NUP58: variants seen among roughly 807,000 people sequenced by gnomAD.
NUP58 encodes the protein nucleoporin p58/p45.
A neutral mutation model predicts 70.1 loss-of-function variants in NUP58; 17 were observed. The ratio of observed to expected loss-of-function variants is 0.24; its 90% CI spans 0.17 to 0.36. The LOEUF is 0.36. NUP58 is among the 10% of genes least tolerant of loss of function. The pLI is 1.00. For synonymous variants in NUP58, 275 were observed against 257.6 expected, an observed-to-expected ratio of 1.07 and a Z score of -0.65; for missense variants, 644 against 701.5, an observed-to-expected ratio of 0.92 and a Z score of 0.93.
chr13:25,338,090 T>A (rs1462273961), intron 14 of NUP58, among the ~76,000 whole-genome samples: 1 of 152,166 alleles, frequency 6.6e-6, no homozygotes, highest in Admixed American at 6.6e-5. Context: ...TGGCTGGTAG[T>A]ATGGCAGGAA....
intron 13 of NUP58, chr13:25,334,635 T>C: frequency 1.0e-6 from 1 of 982,010 alleles, no homozygotes; most frequent in Non-Finnish European, 1.2e-6. Flanking sequence ...TATTTTAAAA[T>C]GTGACTTAGA....
At chr13:25,312,010 T>C (rs2030693930) in intron 3 of NUP58, among the ~76,000 whole-genome samples, 2 of 152,082 alleles carry the variant, frequency 1.3e-5, no homozygotes, top group Admixed American at 1.3e-4. Flanking sequence ...AACTAGACAA[T>C]GAGGACTTAG....
intron 5 of NUP58, among the ~76,000 whole-genome samples, chr13:25,315,074 C>CT: frequency 6.6e-6 from 1 of 152,238 alleles, no homozygotes; most frequent in South Asian, 2.1e-4. Context: ...AACAAAACCC[C>CT]TTTATAACAA....
In NUP58 at chr13:25,324,936, A is replaced by G. The variant is rs555625633; in HGVS notation, c.952-53A>G. On this transcript the variant is annotated intron_variant, in intron 9 of 15. Coordinates refer to ENST00000381736, the MANE Select transcript of NUP58 (RefSeq NM_014089.4). ...TATTTTTTTTCGTACGGTATTTTTAACATAACTCTTAACTGGCTTTTTTTT... is the reference window on the plus strand; with the variant it reads ...TATTTTTTTTCGTACGGTATTTTTAGCATAACTCTTAACTGGCTTTTTTTT... 3 of 1,223,308 alleles carry G rather than the reference A, an allele frequency of 2.5e-6. No individual in the cohort carries two copies. In the Admixed American group the frequency reaches 6.4e-5, roughly 26 times the overall value. The allele number at this position is 1,223,308 out of a possible 1,614,324, so 75.8% of individuals were successfully genotyped here. A position where few individuals can be genotyped will look rare whatever the true frequency, so the allele number is the denominator to read the frequency against.
intron 5 of NUP58, among the ~76,000 whole-genome samples, chr13:25,314,241 A>G: frequency 6.6e-6 from 1 of 152,136 alleles, no homozygotes; most frequent in Non-Finnish European, 1.5e-5. Flanking sequence ...CCTATTAGCC[A>G]TATTTTAGAA....
intron 13 of NUP58, chr13:25,333,387 G>C: frequency 1.0e-6 from 1 of 985,318 alleles, no homozygotes; most frequent in Non-Finnish European, 1.2e-6. Context: ...AATTTTGTCT[G>C]TGACTTTTGC....
At position 25,334,626 on chromosome 13, in the gene NUP58, A is replaced by G. The variant is rs929804158; in HGVS notation, c.1436-2310A>G. 8 of 982,026 alleles carry G rather than the reference A, an allele frequency of 8.1e-6. No individual in the cohort carries two copies. In the African/African-American group the frequency reaches 1.4e-4, roughly 17 times the overall value. 60.8% of individuals were successfully genotyped at this position (982,026 alleles called of 1,614,324 possible). ...ATTTTAGGTTTTTTAAAGAAAAATT[A>G]TTTTAAAATGTGACTTAGAAATAAC... On this transcript the variant is annotated intron_variant, in intron 13 of 15. Coordinates refer to ENST00000381736, the MANE Select transcript of NUP58 (RefSeq NM_014089.4).
chr13:25,318,352 C>T (rs1328078878), intron 6 of NUP58, among the ~76,000 whole-genome samples: 2 of 151,984 alleles, frequency 1.3e-5, no homozygotes, highest in African/African-American at 4.8e-5. Context: ...AATTTGTAGC[C>T]ACAGGGTTTT....
At chr13:25,306,766 T>C (rs1227083302) in intron 1 of NUP58, among the ~76,000 whole-genome samples, 2 of 152,218 alleles carry the variant, frequency 1.3e-5, no homozygotes, top group African/African-American at 4.8e-5. Context: ...TCATAGCAAA[T>C]CTGAACCCCT....
chr13:25,303,245 C>G (rs1465902953), intron 1 of NUP58: 6 of 385,226 alleles, frequency 1.6e-5, no homozygotes, highest in Non-Finnish European at 3.0e-5. Context: ...AAAAACTTAC[C>G]ATAGTCTGCA....
At chr13:25,321,823 A>G (rs1310133099) in intron 9 of NUP58, among the ~76,000 whole-genome samples, 1 of 152,168 alleles carries the variant, frequency 6.6e-6, no homozygotes. Context: ...AGGCTGAGGC[A>G]GGAGAATCGC....
At chr13:25,349,056 C>T (rs1267655245) in intron 3 of NUP58, among the ~76,000 whole-genome samples, 3 of 152,110 alleles carry the variant, frequency 2.0e-5, no homozygotes, top group African/African-American at 7.2e-5. Context: ...TCTAACTACC[C>T]CCGACAAAGT....
intron 12 of NUP58, 52 bp from the exon 13 acceptor site, chr13:25,331,305 A>T (rs2031593705): frequency 6.6e-7 from 1 of 1,522,874 alleles, no homozygotes; most frequent in African/African-American, 1.4e-5. Context: ...CCACATATTA[A>T]CCATAGTCAA....
downstream of NUP58, among the ~76,000 whole-genome samples, chr13:25,344,527 T>C (rs941828655): frequency 2.0e-5 from 3 of 152,232 alleles, no homozygotes; most frequent in East Asian, 1.9e-4. Context: ...CCTTTTTGTT[T>C]GTTTTTGTGT....
chr13:25,328,335 T>C (rs1175647146), intron 12 of NUP58, among the ~76,000 whole-genome samples: 1 of 152,194 alleles, frequency 6.6e-6, no homozygotes, highest in African/African-American at 2.4e-5. Flanking sequence ...GGGAACTGTT[T>C]GTGTTTATTA....
At chr13:25,308,152 G>A (rs113479397) in intron 2 of NUP58, 6 of 439,832 alleles carry the variant, frequency 1.4e-5, no homozygotes, top group South Asian at 7.5e-5. Flanking sequence ...CTGATATAAC[G>A]AAGGAAAACA....
At chr13:25,348,538 G>A (rs2032075043) in intron 3 of NUP58, among the ~76,000 whole-genome samples, 1 of 152,084 alleles carries the variant, frequency 6.6e-6, no homozygotes, top group Non-Finnish European at 1.5e-5. Context: ...AGCCTCCCAA[G>A]TAGCTAGGAT....
intron 15 of NUP58, 84 bp downstream of exon 15, chr13:25,338,815 A>G: frequency 8.4e-7 from 1 of 1,196,674 alleles, no homozygotes; most frequent in African/African-American, 1.5e-5. Flanking sequence ...ATTTCCAGTA[A>G]CCCAAAAAGT....
At chr13:25,310,180 C>T (rs1387488675) in intron 3 of NUP58, among the ~76,000 whole-genome samples, 1 of 145,234 alleles carries the variant, frequency 6.9e-6, no homozygotes, top group African/African-American at 2.6e-5. Context: ...GCTAGGACTA[C>T]AGGCACATAC....
Sources: allele counts gnomAD v4.1 joint callset (sites outside exome capture counted in the v4.1 genomes callset), GRCh38; gene constraint gnomAD v4.1.1; transcripts MANE v1.5; gene names NCBI Gene and HGNC (gene_info 2026-07-23, HGNC 2026-07-21).